Variants in FLRT2 observed in about 807,000 individuals in gnomAD.
FLRT2 encodes fibronectin leucine rich transmembrane protein 2.
FLRT2 carries 15 observed loss-of-function variants against 40.0 expected under a neutral mutation model. That is an observed-to-expected ratio of 0.38 (90% CI 0.25 to 0.58). FLRT2 has a LOEUF of 0.58. FLRT2 is among the 20% of genes least tolerant of loss of function. The pLI, the probability that FLRT2 is intolerant of heterozygous loss-of-function variation, is 0.71. For synonymous variants in FLRT2, 380 were observed against 336.8 expected (o/e 1.13, Z -1.41); for missense variants, 726 against 840.0 (o/e 0.86, Z 1.68).
At position 85,636,929 on chromosome 14, in the gene FLRT2, C is replaced by CAAAAAAA. The variant is rs397853459; in HGVS notation, c.*13451_*13457dup. ...GGGTGACAGAGCGATACTTCGTCTC[C>CAAAAAAA]AAAAAAAAAAAAAAAAAAAAAAAAA... is the stretch of plus-strand genomic sequence containing the variant. On this transcript the variant is annotated 3_prime_UTR_variant, in exon 2 of 2. Transcript: ENST00000330753. 7.8e-5 allele frequency: 3 copies of CAAAAAAA among 38,628 alleles called. No homozygotes were observed. Among genetic ancestry groups the CAAAAAAA allele is most frequent in the East Asian group, 8.5e-4 (1 of 1,180 alleles). The allele number at this position is 38,628 out of a possible 1,614,324, so 2.4% of individuals were successfully genotyped here. A position where few individuals can be genotyped will look rare whatever the true frequency, so the allele number is the denominator to read the frequency against.
intron 1 of FLRT2, among the ~76,000 whole-genome samples, chr14:85,614,375 TA>T (rs1160733686): frequency 7.6e-6 from 1 of 131,496 alleles, no homozygotes; most frequent in Admixed American, 7.2e-5. Flanking sequence ...CCTTTGAAAT[TA>T]AAAAAAAAAG....
At chr14:85,616,128 C>T (rs921491283) in intron 1 of FLRT2, among the ~76,000 whole-genome samples, 1 of 151,908 alleles carries the variant, frequency 6.6e-6, no homozygotes, top group East Asian at 1.9e-4. Context: ...CGGGTTCTTG[C>T]TGCCCCCAAA....
intron 1 of FLRT2, among the ~76,000 whole-genome samples, chr14:85,601,354 A>G (rs959623801): frequency 1.3e-5 from 2 of 152,206 alleles, no homozygotes; most frequent in African/African-American, 4.8e-5. Flanking sequence ...ACTTTAAATG[A>G]CACAGCATGA....
At position 85,635,476 on chromosome 14, in the gene FLRT2, A is replaced by G. The variant is rs1893977504; in HGVS notation, c.*11979A>G. On this transcript the variant is annotated 3_prime_UTR_variant, in exon 2 of 2. Transcript: ENST00000330753. The stretch of plus-strand genomic sequence containing the variant: ...TTTATTTAAGTCAAAATTATCAAAG[A>G]TAGAGTGTCGTACAATAAAAATTGT... 1 of 152,100 alleles carries G rather than the reference A, an allele frequency of 6.6e-6. No individual in the cohort carries two copies. Among genetic ancestry groups the G allele is most frequent in the Admixed American group, 6.6e-5 (1 of 15,258 alleles). 9.4% of individuals were successfully genotyped at this position (152,100 alleles called of 1,614,324 possible).
chr14:85,627,429 T>A lies in FLRT2; in HGVS notation c.*3932T>A, dbSNP rs1893732980. 6.0e-6 allele frequency: 1 copy of A among 166,978 alleles called. No homozygotes were observed. The highest frequency in any genetic ancestry group is 1.5e-5 in the Non-Finnish European group (1 of 68,104). The allele number at this position is 166,978 out of a possible 1,614,324, so 10.3% of individuals were successfully genotyped here. ...AATGCTTGTCACTGTGGAGAAAGAG[T>A]TTTGTATATGTCTGATACCGTTGTT... is the stretch of plus-strand genomic sequence containing the variant. On this transcript the variant is annotated 3_prime_UTR_variant, in exon 2 of 2. Coordinates refer to ENST00000330753, the MANE Select transcript of FLRT2 (RefSeq NM_013231.6).
intron 1 of FLRT2, among the ~76,000 whole-genome samples, chr14:85,550,586 C>T (rs545830461): frequency 6.6e-6 from 1 of 152,216 alleles, no homozygotes; most frequent in East Asian, 1.9e-4. Flanking sequence ...CCGATGAAAA[C>T]CCTAAAGTCA....
chr14:85,571,738 G>T (rs759055107), intron 1 of FLRT2, among the ~76,000 whole-genome samples: 1 of 152,008 alleles, frequency 6.6e-6, no homozygotes, highest in African/African-American at 2.4e-5. Context: ...GACCTTTTTC[G>T]CTCATCAAGT....
At chr14:85,550,719 AG>A (rs1210222555) in intron 1 of FLRT2, among the ~76,000 whole-genome samples, 3 of 149,256 alleles carry the variant, frequency 2.0e-5, no homozygotes, top group African/African-American at 7.6e-5. Flanking sequence ...AAGATAAAGA[AG>A]GATCTATAGA....
At chr14:85,614,786 C>T (rs1022596126) in intron 1 of FLRT2, among the ~76,000 whole-genome samples, 4 of 151,942 alleles carry the variant, frequency 2.6e-5, no homozygotes, top group African/African-American at 9.7e-5. Flanking sequence ...ATATTTTTCC[C>T]AAAGGTTACT....
intron 1 of FLRT2, among the ~76,000 whole-genome samples, chr14:85,615,572 C>T (rs899548689): frequency 1.4e-4 from 22 of 152,008 alleles, no homozygotes; most frequent in African/African-American, 3.6e-4. Context: ...GATCAACTTC[C>T]GGGGGCTTGG....
Position 85,636,802 on chromosome 14 carries a change from G to T in FLRT2, c.*13305G>T, listed in dbSNP as rs889967772. ...AAATTAGCAGGGTATGGTGGCAGGC[G>T]CCTGTTATCCCAGCTACTTGGGAGG... On this transcript the variant is annotated 3_prime_UTR_variant, in exon 2 of 2. Transcript: ENST00000330753. The T allele has an allele frequency of 2.0e-5, 3 of 151,434 alleles. No homozygotes were observed. Among genetic ancestry groups the T allele is most frequent in the African/African-American group, 7.3e-5 (3 of 41,234 alleles). 9.4% of individuals were successfully genotyped at this position (151,434 alleles called of 1,614,324 possible). A position where few individuals can be genotyped will look rare whatever the true frequency, so the allele number is the denominator to read the frequency against.
Position 85,621,503 on chromosome 14 carries a change from C to T in FLRT2, c.-12C>T, listed in dbSNP as rs778504472. On this transcript the variant is annotated 5_prime_UTR_variant, in exon 2 of 2. Transcript: ENST00000330753. Reference sequence around the variant, plus strand: ...TTCCCACCACATTGTATTTTATTTCCGTACTTCAGAAATGGGCCTACAGAC... The same window carrying T: ...TTCCCACCACATTGTATTTTATTTCTGTACTTCAGAAATGGGCCTACAGAC... 9 of 1,558,366 alleles carry T rather than the reference C, an allele frequency of 5.8e-6. No homozygotes were observed. The East Asian group carries it at 6.8e-5, about 12-fold the overall frequency.
chr14:85,590,885 A>C (rs1891852633), intron 1 of FLRT2, among the ~76,000 whole-genome samples: 1 of 152,184 alleles, frequency 6.6e-6, no homozygotes. Flanking sequence ...GGCTTGAGCC[A>C]TAGCATTTTT....
At chr14:85,594,446 T>A (rs1892042260) in intron 1 of FLRT2, among the ~76,000 whole-genome samples, 1 of 152,142 alleles carries the variant, frequency 6.6e-6, no homozygotes, top group Non-Finnish European at 1.5e-5. Context: ...CCCTCATACC[T>A]GTAAGTCTCA....
intron 1 of FLRT2, among the ~76,000 whole-genome samples, chr14:85,532,452 T>A (rs775091509): frequency 5.3e-5 from 8 of 152,224 alleles, no homozygotes; most frequent in Non-Finnish European, 1.2e-4. Context: ...TACTTGTTTG[T>A]TTGTTTTTTA....
intron 1 of FLRT2, among the ~76,000 whole-genome samples, chr14:85,590,984 G>A (rs1439626847): frequency 6.6e-6 from 1 of 151,996 alleles, no homozygotes; most frequent in Non-Finnish European, 1.5e-5. Context: ...CTGAATTTCT[G>A]TGTGGCCTTG....
rs569442292 is a variant in FLRT2, at chr14:85,533,761, G to A, written c.-377+3227G>A. On this transcript the variant is annotated intron_variant, in intron 1 of 1. Transcript: ENST00000330753. ...GGACGTAGGCGAGAGCAAGCGAGGC[G>A]AGCTGGGCGCCCCGGCCCCGGCCCG... is the stretch of plus-strand genomic sequence containing the variant. 9.0e-4 allele frequency among the ~76,000 whole-genome samples: 136 copies of A among 151,816 alleles called. No homozygotes were observed. The Middle Eastern group carries it at 0.017, about 19-fold the overall frequency.
At position 85,647,262 on chromosome 14, in the gene FLRT2, C is replaced by G. The variant is rs544232111; in HGVS notation, c.*23765C>G. On this transcript the variant is annotated 3_prime_UTR_variant, in exon 2 of 2. Coordinates refer to ENST00000330753, the MANE Select transcript of FLRT2 (RefSeq NM_013231.6). The stretch of plus-strand genomic sequence containing the variant: ...ACAAGACATACTTATTTTACCTTTG[C>G]TTAATATGCCTTATAGTTTACTAAC... 1 of 148,820 alleles carries G rather than the reference C, an allele frequency of 6.7e-6. No homozygotes were observed. The highest frequency in any genetic ancestry group is 2.6e-5 in the African/African-American group (1 of 38,358). The allele number at this position is 148,820 out of a possible 1,614,324, so 9.2% of individuals were successfully genotyped here.
rs1894091846 is a variant in FLRT2, at chr14:85,639,406, G to T, written c.*15909G>T. ...TTCTTGAAAGTAGTTTACCGGGTTG[G>T]GCAAAAAGAGGATGAGTATTAAAGG... is the stretch of plus-strand genomic sequence containing the variant. On this transcript the variant is annotated 3_prime_UTR_variant, in exon 2 of 2. Coordinates refer to ENST00000330753, the MANE Select transcript of FLRT2 (RefSeq NM_013231.6). The T allele has an allele frequency of 6.6e-6, 1 of 151,954 alleles. No homozygotes were observed. The highest frequency in any genetic ancestry group is 1.5e-5 in the Non-Finnish European group (1 of 67,998). The allele number at this position is 151,954 out of a possible 1,614,324, so 9.4% of individuals were successfully genotyped here. A position where few individuals can be genotyped will look rare whatever the true frequency, so the allele number is the denominator to read the frequency against.
Sources: gnomAD v4.1 joint callset for allele counts (sites outside exome capture counted in the v4.1 genomes callset) on GRCh38, gnomAD v4.1.1 for gene constraint, MANE v1.5 for transcripts, NCBI Gene and HGNC (gene_info 2026-07-23, HGNC 2026-07-21) for gene names.